Variants in STX11 observed in about 807,000 individuals in gnomAD.
STX11 encodes syntaxin-11.
A neutral mutation model predicts 19.9 loss-of-function variants in STX11; 21 were observed. That is an observed-to-expected ratio of 1.06 (90% confidence interval 0.75 to 1.52). STX11 has a LOEUF of 1.52. Among genes scored for constraint, STX11 ranks in the 40% most tolerant of loss-of-function variants. STX11 has a pLI of 0.00. For missense variants in STX11, 438 were observed against 405.9 expected (o/e 1.08, Z -0.68); for synonymous variants, 193 against 174.4 (o/e 1.11, Z -0.84).
At chr6:144,144,611 T>C in the STX11 span, among the ~76,000 whole-genome samples, 1 of 152,150 alleles carries the variant, frequency 6.6e-6, no homozygotes, top group African/African-American at 2.4e-5. Flanking sequence ...ACACTAGTTA[T>C]CGTGGCTGTT....
In STX11 at chr6:144,187,545, G is replaced by C; in HGVS notation, c.*54G>C. ...CCCAGACCATGGAGCGCGCTGGGAA[G>C]GACGCACCAAAGCCGGGAGCTCTGC... On this transcript the variant is annotated 3_prime_UTR_variant, in exon 2 of 2. Transcript: ENST00000367568. The surrounding 1 kb of genome is among the most constrained non-coding windows in gnomAD (Gnocchi z 5.6). The C allele has an allele frequency of 1.2e-6, 2 of 1,609,496 alleles. No homozygotes were observed. Among genetic ancestry groups the C allele is most frequent in the Non-Finnish European group, 8.5e-7 (1 of 1,178,938 alleles).
chr6:144,144,447 G>T, the STX11 span, among the ~76,000 whole-genome samples: 1 of 152,114 alleles, frequency 6.6e-6, no homozygotes. Flanking sequence ...ATTTAAAGCC[G>T]GCCAGTTCTG....
intron 1 of STX11, among the ~76,000 whole-genome samples, chr6:144,181,617 A>AT (rs1562667743): frequency 7.4e-6 from 1 of 135,350 alleles, no homozygotes; most frequent in Non-Finnish European, 1.6e-5. Context: ...AAAAAAAAAA[A>AT]GCTGACATGG....
chr6:144,189,863 G>GA lies in STX11; in HGVS notation c.*2378dup, dbSNP rs1000842160. On this transcript the variant is annotated 3_prime_UTR_variant, in exon 2 of 2. Transcript: ENST00000367568. ...AATTTGCTTTCTCTAAGGGAAAGGG[G>GA]AAAAAATGTTCACATAGCTCCACTG... Among the ~76,000 whole-genome samples the GA allele has an allele frequency of 1.7e-4, 26 of 152,096 alleles. No homozygotes were observed. The highest frequency in any genetic ancestry group is 6.3e-4 in the African/African-American group (26 of 41,416).
chr6:144,140,262 A>ATATATT, the STX11 span, among the ~76,000 whole-genome samples: 8 of 55,124 alleles, frequency 1.5e-4, no homozygotes, highest in African/African-American at 7.7e-4. Context: ...ATATTTATTT[A>ATATATT]TTTATTTTTT....
At position 144,155,933 on chromosome 6, in the gene STX11, A is replaced by C. The variant is rs1323644453; in HGVS notation, c.-6+5230A>C. Among the ~76,000 whole-genome samples, 3 of 145,994 alleles carry C rather than the reference A, an allele frequency of 2.1e-5. No individual in the cohort carries two copies. The highest frequency in any genetic ancestry group is 5.3e-5 in the African/African-American group (2 of 37,710). ...TCTTGAGCTAATTAAATGTGTTTTA[A>C]AATTTAATCTTTCTTTCTTTCTTTC... On this transcript the variant is annotated intron_variant, in intron 1 of 1. Coordinates refer to ENST00000367568, the MANE Select transcript of STX11 (RefSeq NM_003764.4). This position sits in a 1 kb window ranked among gnomAD's most constrained non-coding sequence, Gnocchi z 4.5.
the STX11 span, among the ~76,000 whole-genome samples, chr6:144,141,074 G>A: frequency 6.2e-4 from 94 of 152,316 alleles, 1 homozygote; most frequent in Non-Finnish European, 1.2e-3. Context: ...GGTGCAAAAA[G>A]GAGTTTACCA....
Position 144,159,938 on chromosome 6 carries a change from T to G in STX11, c.-6+9235T>G, listed in dbSNP as rs113673692. 8.5e-5 allele frequency among the ~76,000 whole-genome samples: 13 copies of G among 152,304 alleles called. No individual in the cohort carries two copies. Among genetic ancestry groups the G allele is most frequent in the East Asian group, 5.8e-4 (3 of 5,188 alleles). The stretch of plus-strand genomic sequence containing the variant: ...AGGCCACAACCCCAGTGTTGCAATT[T>G]GCAACCTCCACCCAGCTTGGTGGCT... On this transcript the variant is annotated intron_variant, in intron 1 of 1. Coordinates refer to ENST00000367568, the MANE Select transcript of STX11 (RefSeq NM_003764.4). This position sits in a 1 kb window ranked among gnomAD's most constrained non-coding sequence, Gnocchi z 4.3.
At chr6:144,149,446 C>T (rs1306048840), upstream of STX11, among the ~76,000 whole-genome samples, 1 of 152,132 alleles carries the variant, frequency 6.6e-6, no homozygotes, top group Non-Finnish European at 1.5e-5. The surrounding 1 kb of genome is among the most constrained non-coding windows in gnomAD (Gnocchi z 5.1). Context: ...ATTCTGCCAT[C>T]AAGGCAGGAT....
Position 144,156,131 on chromosome 6 carries a change from C to G in STX11, c.-6+5428C>G, listed in dbSNP as rs1033336434. Among the ~76,000 whole-genome samples, 3 of 140,772 alleles carry G rather than the reference C, an allele frequency of 2.1e-5. No individual in the cohort carries two copies. The Admixed American group carries it at 2.3e-4, about 11-fold the overall frequency. 92.4% of individuals were successfully genotyped at this position (140,772 alleles called of 152,430 possible). On this transcript the variant is annotated intron_variant, in intron 1 of 1. Coordinates refer to ENST00000367568, the MANE Select transcript of STX11 (RefSeq NM_003764.4). ...ACAGGCGGGAGTGCAATGGTGTGAT[C>G]TCCGCTCACCACAACCTCCACCTCC...
intron 1 of STX11, among the ~76,000 whole-genome samples, chr6:144,185,208 G>T (rs892418240): frequency 2.6e-5 from 4 of 152,062 alleles, no homozygotes; most frequent in Non-Finnish European, 4.4e-5. Context: ...GAAAGGCCGT[G>T]GTTAATATTT....
the STX11 span, among the ~76,000 whole-genome samples, chr6:144,143,460 G>T: frequency 6.6e-6 from 1 of 152,156 alleles, no homozygotes; most frequent in African/African-American, 2.4e-5. Flanking sequence ...GAGCTGTAAT[G>T]GAACCTTTGA....
Position 144,182,718 on chromosome 6 carries a change from A to AT in STX11, c.-5-3904dup, listed in dbSNP as rs373860818. ...ATACAGAGCACAGGACCTGTCTAGG[A>AT]TAAGCAGGATACATACAAATGATCC... is the stretch of plus-strand genomic sequence containing the variant. On this transcript the variant is annotated intron_variant, in intron 1 of 1. Coordinates refer to ENST00000367568, the MANE Select transcript of STX11 (RefSeq NM_003764.4). The surrounding 1 kb of genome is among the most constrained non-coding windows in gnomAD (Gnocchi z 4.8). Among the ~76,000 whole-genome samples, 353 of 152,342 alleles carry AT rather than the reference A, an allele frequency of 2.3e-3. 1 individual carries two copies. The highest frequency in any genetic ancestry group is 8.0e-3 in the African/African-American group (334 of 41,578).
upstream of STX11, among the ~76,000 whole-genome samples, chr6:144,149,548 C>G (rs1475993571): frequency 2.0e-5 from 3 of 152,178 alleles, no homozygotes; most frequent in Non-Finnish European, 2.9e-5. The surrounding 1 kb of genome is among the most constrained non-coding windows in gnomAD (Gnocchi z 5.1). Flanking sequence ...GCGATCTCGG[C>G]TCACTGCATC....
In STX11 at chr6:144,180,372, G is replaced by A. The variant is rs1801880336; in HGVS notation, c.-5-6251G>A. ...GGTTATTTATGTGTGATATGGTTTGGCTGTGTCCCCACCAAATCTCAACTT... is the reference window on the plus strand; with the variant it reads ...GGTTATTTATGTGTGATATGGTTTGACTGTGTCCCCACCAAATCTCAACTT... On this transcript the variant is annotated intron_variant, in intron 1 of 1. Coordinates refer to ENST00000367568, the MANE Select transcript of STX11 (RefSeq NM_003764.4). This position sits in a 1 kb window ranked among gnomAD's most constrained non-coding sequence, Gnocchi z 5.3. Among the ~76,000 whole-genome samples the A allele has an allele frequency of 6.6e-6, 1 of 152,148 alleles. No individual in the cohort carries two copies. The highest frequency in any genetic ancestry group is 1.5e-5 in the Non-Finnish European group (1 of 68,018).
In STX11 at chr6:144,190,794, A is replaced by G. The variant is rs1562674154; in HGVS notation, c.*3303A>G. The stretch of plus-strand genomic sequence containing the variant: ...TGGAAGGAGTTGTAGGAAGTTGTAG[A>G]GGCTGGGTCACTGACCTAAGAGAAG... On this transcript the variant is annotated 3_prime_UTR_variant, in exon 2 of 2. Coordinates refer to ENST00000367568, the MANE Select transcript of STX11 (RefSeq NM_003764.4). 6.6e-6 allele frequency among the ~76,000 whole-genome samples: 1 copy of G among 152,192 alleles called. No homozygotes were observed. Among genetic ancestry groups the G allele is most frequent in the African/African-American group, 2.4e-5 (1 of 41,442 alleles).
Position 144,187,040 on chromosome 6 carries a change from C to T in STX11, c.413C>T (p.Thr138Ile). The T allele has an allele frequency of 1.2e-6, 2 of 1,612,924 alleles. No individual in the cohort carries two copies. The highest frequency in any genetic ancestry group is 1.7e-6 in the Non-Finnish European group (2 of 1,179,958). ...GCGCAGTACAACGCGCTCACCCTCA[C>T]CTTCCAGCGCGCCATGCACGACTAC... ...SRAQYNALTL[T>I]FQRAMHDYNQ... The change falls in exon 2 of 2, where the codon ACC (threonine) becomes ATC (isoleucine). Residue 138 changes from threonine (T) to isoleucine (I), a missense_variant. Transcript: ENST00000367568. This position sits in a 1 kb window ranked among gnomAD's most constrained non-coding sequence, Gnocchi z 5.6.
chr6:144,154,907 A>G lies in STX11; in HGVS notation c.-6+4204A>G, dbSNP rs1801094694. 6.6e-6 allele frequency among the ~76,000 whole-genome samples: 1 copy of G among 152,142 alleles called. No homozygotes were observed. The highest frequency in any genetic ancestry group is 2.4e-5 in the African/African-American group (1 of 41,434). On this transcript the variant is annotated intron_variant, in intron 1 of 1. Transcript: ENST00000367568. This position sits in a 1 kb window ranked among gnomAD's most constrained non-coding sequence, Gnocchi z 4.7. ...CACCTGGGTAGATTCTTTTGTCTGA[A>G]CAGCAGTATTTTGACCAACAACCCT...
intron 1 of STX11, among the ~76,000 whole-genome samples, chr6:144,181,836 T>C (rs1801919409): frequency 6.6e-6 from 1 of 152,178 alleles, no homozygotes; most frequent in South Asian, 2.1e-4. Flanking sequence ...AAAACTTTAT[T>C]GCTCAATGAA....
Sources: allele counts gnomAD v4.1 joint callset (sites outside exome capture counted in the v4.1 genomes callset), GRCh38; gene constraint gnomAD v4.1.1; non-coding constraint Gnocchi (gnomAD v3.1); transcripts MANE v1.5; gene names NCBI Gene and HGNC (gene_info 2026-07-23, HGNC 2026-07-21).